The following SYNPR variants were observed in gnomAD, a reference collection of about 807,000 sequenced individuals.
SYNPR encodes synaptoporin.
A neutral mutation model predicts 32.9 loss-of-function variants in SYNPR; 23 were observed. The observed-to-expected ratio is 0.70, with a 90% CI of 0.50 to 0.99. The LOEUF is 0.99. SYNPR is among the 50% of genes least tolerant of loss of function. The pLI, the probability that SYNPR is intolerant of heterozygous loss-of-function variation, is 0.00. For synonymous variants in SYNPR, 146 were observed against 135.9 expected (o/e 1.07, Z -0.52); for missense variants, 318 against 349.3 (o/e 0.91, Z 0.71).
intron 2 of SYNPR, among the ~76,000 whole-genome samples, chr3:63,449,872 T>G (rs557401118): frequency 1.3e-4 from 20 of 152,268 alleles, no homozygotes; most frequent in African/African-American, 4.8e-4. Context: ...TATTATCACC[T>G]TCAACAAGTG....
chr3:63,450,155 A>G (rs1005762848), intron 2 of SYNPR, among the ~76,000 whole-genome samples: 5 of 152,154 alleles, frequency 3.3e-5, no homozygotes, highest in African/African-American at 9.7e-5. Context: ...TGGACTGCCC[A>G]CATACATTCT....
At chr3:63,610,276 T>A (rs990871530) in intron 5 of SYNPR, among the ~76,000 whole-genome samples, 2 of 152,182 alleles carry the variant, frequency 1.3e-5, no homozygotes, top group Non-Finnish European at 2.9e-5. Context: ...CTAAATTGGA[T>A]TTTTAATTTA....
At chr3:63,515,856 T>C (rs17338206) in intron 3 of SYNPR, among the ~76,000 whole-genome samples, 36,248 of 152,038 alleles carry the variant, frequency 0.24, 4,376 homozygotes, top group East Asian at 0.32. Flanking sequence ...TAGCTTAATC[T>C]GCTGAGCATT....
intron 5 of SYNPR, among the ~76,000 whole-genome samples, 174 bp downstream of exon 5, chr3:63,609,490 T>C (rs1700169138): frequency 6.6e-6 from 1 of 152,220 alleles, no homozygotes. Context: ...AGGTTTCTTA[T>C]TGTCAGAATC....
At chr3:63,490,849 G>C (rs1193881750) in intron 3 of SYNPR, among the ~76,000 whole-genome samples, 2 of 151,958 alleles carry the variant, frequency 1.3e-5, no homozygotes, top group African/African-American at 2.4e-5. Flanking sequence ...TGCAACCTCT[G>C]CCTCCCTAGT....
intron 3 of SYNPR, among the ~76,000 whole-genome samples, chr3:63,506,532 C>A (rs1701592075): frequency 6.6e-6 from 1 of 152,072 alleles, no homozygotes; most frequent in African/African-American, 2.4e-5. Flanking sequence ...TGAGAAACAC[C>A]ATTTACTGGC....
At chr3:63,406,321 G>T (rs192009389) in intron 2 of SYNPR, among the ~76,000 whole-genome samples, 14 of 152,164 alleles carry the variant, frequency 9.2e-5, no homozygotes, top group African/African-American at 2.4e-4. Flanking sequence ...GGTAAGAAAT[G>T]TAAAAAAGAA....
At chr3:63,283,810 C>CG (rs1491474766) in intron 2 of SYNPR, among the ~76,000 whole-genome samples, 2 of 87,158 alleles carry the variant, frequency 2.3e-5, no homozygotes, top group East Asian at 6.7e-4. Context: ...AGATAATTAC[C>CG]TTTTTTTTTT....
upstream of SYNPR, among the ~76,000 whole-genome samples, chr3:63,223,786 C>T (rs1333429616): frequency 6.6e-6 from 1 of 152,088 alleles, no homozygotes; most frequent in Non-Finnish European, 1.5e-5. Flanking sequence ...TGTCATTTAA[C>T]TTTTTCTACT....
At chr3:63,333,145 T>C (rs2087248527) in intron 2 of SYNPR, among the ~76,000 whole-genome samples, 1 of 152,184 alleles carries the variant, frequency 6.6e-6, no homozygotes, top group Non-Finnish European at 1.5e-5. Context: ...TGAGTTCATC[T>C]TAGCTTTCCT....
chr3:63,442,977 A>C, intron 2 of SYNPR: 2 of 980,180 alleles, frequency 2.0e-6, no homozygotes, highest in Non-Finnish European at 2.4e-6. Flanking sequence ...GCTTTAAAAA[A>C]ATCTCCTAGT....
intron 4 of SYNPR, among the ~76,000 whole-genome samples, chr3:63,599,531 A>G (rs975255807): frequency 1.3e-5 from 2 of 152,198 alleles, no homozygotes; most frequent in Non-Finnish European, 2.9e-5. Context: ...CATAAGCCAT[A>G]CCACATAGCC....
At chr3:63,461,778 C>T (rs1000091817) in intron 2 of SYNPR, among the ~76,000 whole-genome samples, 4 of 151,906 alleles carry the variant, frequency 2.6e-5, no homozygotes, top group African/African-American at 9.7e-5. Flanking sequence ...ACAGAAGTTA[C>T]CATGCTATGA....
chr3:63,316,382 T>C (rs2087043584), intron 2 of SYNPR, among the ~76,000 whole-genome samples: 1 of 151,960 alleles, frequency 6.6e-6, no homozygotes, highest in East Asian at 1.9e-4. Context: ...TTTTTGTTTG[T>C]AATTTTTAAA....
chr3:63,322,119 A>T (rs1253341008), intron 2 of SYNPR, among the ~76,000 whole-genome samples: 1 of 152,006 alleles, frequency 6.6e-6, no homozygotes. Flanking sequence ...AAGCTTCCTG[A>T]TGGAGGAATA....
In SYNPR at chr3:63,590,771, G is replaced by C. The variant is rs200985774; in HGVS notation, c.409-18354G>C. On this transcript the variant is annotated intron_variant, in intron 4 of 5. Transcript: ENST00000478300. ...TAGCCATATGTAGAAAGCTGAAACT[G>C]GATCCCTTCCTTACACCTTATACAA... Among the ~76,000 whole-genome samples the C allele has an allele frequency of 2.6e-5, 3 of 114,302 alleles. No individual in the cohort carries two copies. In the East Asian group the frequency reaches 9.3e-4, roughly 35 times the overall value. 75.0% of individuals were successfully genotyped at this position (114,302 alleles called of 152,430 possible). A position where few individuals can be genotyped will look rare whatever the true frequency, so the allele number is the denominator to read the frequency against.
intron 2 of SYNPR, among the ~76,000 whole-genome samples, chr3:63,434,885 CA>C (rs1236060141): frequency 6.6e-6 from 1 of 152,220 alleles, no homozygotes; most frequent in East Asian, 1.9e-4. Flanking sequence ...TAATAATAAG[CA>C]AAGACTTATT....
chr3:63,502,096 T>A (rs1459919582), intron 3 of SYNPR, among the ~76,000 whole-genome samples: 1 of 152,194 alleles, frequency 6.6e-6, no homozygotes, highest in East Asian at 1.9e-4. Context: ...ATAGACATGT[T>A]ATCAAAATTT....
At chr3:63,503,708 G>A (rs900720440) in intron 3 of SYNPR, among the ~76,000 whole-genome samples, 1 of 151,776 alleles carries the variant, frequency 6.6e-6, no homozygotes, top group Non-Finnish European at 1.5e-5. Context: ...AAACATTTAA[G>A]GGTTGTTTCT....
Sources: allele counts gnomAD v4.1 joint callset (sites outside exome capture counted in the v4.1 genomes callset), GRCh38; gene constraint gnomAD v4.1.1; transcripts MANE v1.5; gene names NCBI Gene and HGNC (gene_info 2026-07-23, HGNC 2026-07-21).